IL1RAPL2: variants seen among roughly 807,000 people sequenced by gnomAD.
IL1RAPL2 encodes X-linked interleukin-1 receptor accessory protein-like 2.
IL1RAPL2 carries 3 observed loss-of-function variants against 44.1 expected under a neutral mutation model. The observed-to-expected ratio is 0.07, with a 90% CI of 0.03 to 0.18. The LOEUF (loss-of-function observed/expected upper bound fraction) is 0.18. IL1RAPL2 is among the 10% of genes least tolerant of loss of function. The pLI, the probability that IL1RAPL2 is intolerant of heterozygous loss-of-function variation, is 1.00. For missense variants in IL1RAPL2, 391 were observed against 496.4 expected (o/e 0.79, Z 2.02); for synonymous variants, 181 against 178.8 (o/e 1.01, Z -0.10).
chrX:105,074,533 T>G (rs1287373165), intron 2 of IL1RAPL2, among the ~76,000 whole-genome samples: 1 of 110,305 alleles, frequency 9.1e-6, no homozygotes, highest in East Asian at 2.9e-4. Flanking sequence ...GGCTCTTTTT[T>G]GGTTCCATAT....
intron 2 of IL1RAPL2, among the ~76,000 whole-genome samples, chrX:104,975,397 A>G (rs2030313196): frequency 8.9e-6 from 1 of 112,256 alleles, no homozygotes. Flanking sequence ...AATAGATGGC[A>G]ATATTTGATG....
intron 6 of IL1RAPL2, among the ~76,000 whole-genome samples, chrX:105,524,885 T>C (rs1214333438): frequency 9.0e-6 from 1 of 111,500 alleles, no homozygotes; most frequent in Non-Finnish European, 1.9e-5. Flanking sequence ...GTAGTCCCTG[T>C]GGTGAGAATC....
At chrX:104,947,267 G>GT (rs1397117432) in intron 2 of IL1RAPL2, among the ~76,000 whole-genome samples, 11 of 107,265 alleles carry the variant, frequency 1.0e-4, no homozygotes, top group African/African-American at 3.8e-4. Flanking sequence ...GGGGTTGTTT[G>GT]TTTTTTTCTT....
At chrX:105,590,829 GTGTGTGTGTGTGTGTGTGTT>G (rs2037164005) in intron 6 of IL1RAPL2, among the ~76,000 whole-genome samples, 2 of 101,663 alleles carry the variant, frequency 2.0e-5, no homozygotes, top group Non-Finnish European at 3.9e-5. Context: ...GTGTGTGTGT[GTGTGTGTGTGTGTGTGTGTT>G]TGTGTGTGTT....
At chrX:105,303,941 C>T (rs1017619948) in intron 5 of IL1RAPL2, among the ~76,000 whole-genome samples, 5 of 112,667 alleles carry the variant, frequency 4.4e-5, no homozygotes, top group Non-Finnish European at 9.4e-5. Context: ...ATTCAGAAGA[C>T]ATCTTTCAGA....
At chrX:104,634,997 T>C (rs1290520623) in intron 1 of IL1RAPL2, among the ~76,000 whole-genome samples, 1 of 111,697 alleles carries the variant, frequency 9.0e-6, no homozygotes, top group Non-Finnish European at 1.9e-5. Context: ...TTCCTTTCCA[T>C]GTTTAGTGCT....
At chrX:105,657,736 C>T (rs2037686330) in intron 6 of IL1RAPL2, among the ~76,000 whole-genome samples, 1 of 111,664 alleles carries the variant, frequency 9.0e-6, no homozygotes, top group Non-Finnish European at 1.9e-5. Flanking sequence ...GCCTCAGCCT[C>T]CTGACTACCT....
chrX:104,949,382 C>T lies in IL1RAPL2; in HGVS notation c.83-246093C>T, dbSNP rs754059016. Among the ~76,000 whole-genome samples, 466 of 110,325 alleles carry T rather than the reference C, an allele frequency of 4.2e-3. 5 individuals are homozygous for T. The highest frequency in any genetic ancestry group is 0.015 in the African/African-American group (438 of 30,179). On this transcript the variant is annotated intron_variant, in intron 2 of 10. Transcript: ENST00000372582. ...TTCAAAAAACCAGCTCCTGGATTCA[C>T]TCATTTTTTGAAGGGTTTTTTGTGT... is the stretch of plus-strand genomic sequence containing the variant.
At chrX:105,229,000 T>G (rs2034043337) in intron 3 of IL1RAPL2, among the ~76,000 whole-genome samples, 1 of 112,238 alleles carries the variant, frequency 8.9e-6, no homozygotes, top group Non-Finnish European at 1.9e-5. Flanking sequence ...TGCAGTATCA[T>G]TGCAAAGGCC....
At chrX:104,847,688 T>C (rs2147639505) in intron 2 of IL1RAPL2, among the ~76,000 whole-genome samples, 1 of 111,994 alleles carries the variant, frequency 8.9e-6, no homozygotes, top group East Asian at 2.8e-4. Flanking sequence ...TCTTTTTTGG[T>C]TTCATATGAA....
intron 1 of IL1RAPL2, among the ~76,000 whole-genome samples, chrX:104,586,551 A>C (rs1318345937): frequency 9.0e-6 from 1 of 111,727 alleles, no homozygotes; most frequent in African/African-American, 3.3e-5. Flanking sequence ...CCCAGCTCTT[A>C]AATAATTGCT....
chrX:105,743,835 G>A (rs1470766635), intron 8 of IL1RAPL2, among the ~76,000 whole-genome samples: 6 of 112,252 alleles, frequency 5.3e-5, no homozygotes, highest in Non-Finnish European at 1.1e-4. Context: ...ATAAAAAGAA[G>A]ATTTGATCTG....
chrX:104,783,461 T>C (rs984029725), intron 2 of IL1RAPL2, among the ~76,000 whole-genome samples: 9 of 111,037 alleles, frequency 8.1e-5, no homozygotes, highest in African/African-American at 2.9e-4. Flanking sequence ...GAAGGTATTC[T>C]GCTTACCTGT....
chrX:105,735,220 T>C (rs2038437757), intron 7 of IL1RAPL2, among the ~76,000 whole-genome samples: 1 of 111,460 alleles, frequency 9.0e-6, no homozygotes, highest in Non-Finnish European at 1.9e-5. Context: ...ACTGGTTACT[T>C]TCTATTGTAT....
intron 7 of IL1RAPL2, among the ~76,000 whole-genome samples, chrX:105,719,968 C>A (rs2147555787): frequency 9.0e-6 from 1 of 111,513 alleles, no homozygotes; most frequent in South Asian, 3.7e-4. Flanking sequence ...TTTAGGATTA[C>A]TGTCAACGTA....
At chrX:105,295,602 T>C (rs749646150) in intron 5 of IL1RAPL2, among the ~76,000 whole-genome samples, 1 of 111,926 alleles carries the variant, frequency 8.9e-6, no homozygotes, top group South Asian at 3.7e-4. Flanking sequence ...TTAAGTGAAA[T>C]AGAAAATTGA....
intron 2 of IL1RAPL2, among the ~76,000 whole-genome samples, chrX:104,672,193 G>A (rs1442606912): frequency 1.8e-5 from 2 of 110,947 alleles, no homozygotes; most frequent in Non-Finnish European, 3.8e-5. Flanking sequence ...ACATGCTGGT[G>A]CACTGCACCC....
chrX:105,016,887 T>G (rs1423219741), intron 2 of IL1RAPL2, among the ~76,000 whole-genome samples: 1 of 111,665 alleles, frequency 9.0e-6, no homozygotes, highest in South Asian at 3.7e-4. Flanking sequence ...TCAGAAGGAA[T>G]GGTACCAGCT....
intron 2 of IL1RAPL2, among the ~76,000 whole-genome samples, chrX:104,957,144 A>G (rs931285881): frequency 1.8e-5 from 2 of 112,530 alleles, no homozygotes; most frequent in African/African-American, 6.5e-5. Flanking sequence ...GTATACCCAG[A>G]GGGGTTTCCC....
Sources: gnomAD v4.1 joint callset for allele counts (sites outside exome capture counted in the v4.1 genomes callset) on GRCh38, gnomAD v4.1.1 for gene constraint, MANE v1.5 for transcripts, NCBI Gene and HGNC (gene_info 2026-07-23, HGNC 2026-07-21) for gene names.